The following RBMS1 variants were observed in gnomAD, a reference collection of about 807,000 sequenced individuals.
RBMS1 encodes the protein RNA-binding motif, single-stranded-interacting protein 1.
In RBMS1, 17 loss-of-function variants were observed where a neutral mutation model predicts 62.3. That is an observed-to-expected ratio of 0.27 (90% confidence interval 0.19 to 0.41). RBMS1 has a LOEUF of 0.41. Ranked by LOEUF, RBMS1 falls within the 10% of genes least tolerant of loss-of-function variation. The probability of loss-of-function intolerance (pLI) is 1.00; values close to 1 mark genes in which losing one functional copy is unlikely to be tolerated. For missense variants in RBMS1, 334 were observed against 504.5 expected (o/e 0.66, Z 3.24); for synonymous variants, 172 against 170.0 (o/e 1.01, Z -0.09).
intron 9 of RBMS1, 40 bp from the exon 10 acceptor site, chr2:160,281,404 T>C (rs575560647): frequency 6.7e-7 from 1 of 1,491,536 alleles, no homozygotes; most frequent in Non-Finnish European, 9.3e-7. Flanking sequence ...TTGATTTTCA[T>C]TGTAAAGCTT....
At chr2:160,305,147 C>T (rs1689432698) in intron 4 of RBMS1, among the ~76,000 whole-genome samples, 1 of 152,188 alleles carries the variant, frequency 6.6e-6, no homozygotes, top group African/African-American at 2.4e-5. Flanking sequence ...GCCACTGTGC[C>T]TGGCCAGAAA....
intron 2 of RBMS1, 123 bp from the exon 3 acceptor site, chr2:160,318,350 G>C: frequency 1.5e-6 from 2 of 1,347,298 alleles, no homozygotes; most frequent in Non-Finnish European, 1.9e-6. Flanking sequence ...GCAAACTTTA[G>C]AGTACAAAAT....
intron 1 of RBMS1, among the ~76,000 whole-genome samples, chr2:160,447,104 A>C (rs1303904865): frequency 6.6e-6 from 1 of 152,204 alleles, no homozygotes; most frequent in Non-Finnish European, 1.5e-5. Flanking sequence ...GTGAAAGTTT[A>C]CTTCTCATTT....
chr2:160,449,635 C>G (rs983372464), intron 1 of RBMS1, among the ~76,000 whole-genome samples: 1 of 152,084 alleles, frequency 6.6e-6, no homozygotes, highest in African/African-American at 2.4e-5. Flanking sequence ...CAGCATGCTC[C>G]TTAAGAGTCA....
intron 1 of RBMS1, among the ~76,000 whole-genome samples, chr2:160,383,650 T>C (rs1200423631): frequency 1.6e-4 from 25 of 152,202 alleles, no homozygotes; most frequent in Admixed American, 1.6e-3. Context: ...GTTATGAATA[T>C]TCAATATCCT....
At chr2:160,407,767 C>A in intron 1 of RBMS1, 1 of 981,336 alleles carries the variant, frequency 1.0e-6, no homozygotes, top group Non-Finnish European at 1.2e-6. Flanking sequence ...GAGACTCGAG[C>A]AGCTCGGGCA....
chr2:160,304,819 TAA>T, intron 4 of RBMS1, among the ~76,000 whole-genome samples: 1 of 152,166 alleles, frequency 6.6e-6, no homozygotes, highest in East Asian at 1.9e-4. Context: ...GTTTATAAAG[TAA>T]AAAAGTTACA....
chr2:160,426,010 A>G (rs777412841), intron 1 of RBMS1, among the ~76,000 whole-genome samples: 28 of 152,122 alleles, frequency 1.8e-4, no homozygotes, highest in Non-Finnish European at 3.4e-4. Context: ...AGTCCACTTA[A>G]GAAGGAAATA....
At chr2:160,322,416 G>A (rs2105973887) in intron 2 of RBMS1, among the ~76,000 whole-genome samples, 1 of 152,330 alleles carries the variant, frequency 6.6e-6, no homozygotes, top group East Asian at 1.9e-4. Context: ...AAATAAACAC[G>A]TGGCTTATGG....
intron 4 of RBMS1, among the ~76,000 whole-genome samples, chr2:160,310,558 A>G (rs1194267453): frequency 1.3e-5 from 2 of 152,192 alleles, no homozygotes; most frequent in Non-Finnish European, 2.9e-5. Context: ...ACCTGAAACG[A>G]AAGAAGCTTG....
chr2:160,311,232 C>CTCTA (rs1553505424), intron 4 of RBMS1, among the ~76,000 whole-genome samples: 1 of 79,252 alleles, frequency 1.3e-5, no homozygotes, highest in Non-Finnish European at 2.5e-5. Flanking sequence ...ATCTATCTAT[C>CTCTA]TATATATATA....
rs1258018101 is a variant in RBMS1, at chr2:160,367,380, G to A, written c.87C>T (p.Val29=). 8.1e-6 allele frequency: 13 copies of A among 1,613,854 alleles called. No homozygotes were observed. Among genetic ancestry groups the A allele is most frequent in the Non-Finnish European group, 1.1e-5 (13 of 1,179,960 alleles). The change falls in exon 2 of 14, where the codon GTC becomes GTT. Residue 29 remains valine (V), a synonymous_variant. Coordinates refer to ENST00000348849, the MANE Select transcript of RBMS1 (RefSeq NM_016836.4). The part of the protein sequence containing the change: ...PQYLQAKQSL[V]PAHPMAPPSP... ...TGGGAGGGGCCATGGGGTGGGCTGG[G>A]ACCAGAGACTGCTGGAAAACAAAGA...
intron 2 of RBMS1, among the ~76,000 whole-genome samples, chr2:160,354,428 C>G (rs1453498795): frequency 6.6e-6 from 1 of 152,048 alleles, no homozygotes; most frequent in East Asian, 1.9e-4. Context: ...GGAGCAAAAG[C>G]TATGCCTCAT....
intron 1 of RBMS1, among the ~76,000 whole-genome samples, chr2:160,412,039 G>A (rs1344050869): frequency 1.3e-5 from 2 of 152,200 alleles, no homozygotes; most frequent in Non-Finnish European, 2.9e-5. Flanking sequence ...TTCCTTTAAA[G>A]AAGTTAGGTG....
intron 1 of RBMS1, among the ~76,000 whole-genome samples, chr2:160,436,717 T>C (rs757780089): frequency 1.8e-4 from 27 of 152,220 alleles, no homozygotes; most frequent in Non-Finnish European, 3.8e-4. Context: ...CAAGTTTAAA[T>C]ATGGCTGAAC....
At chr2:160,444,620 T>C (rs1304869198) in intron 1 of RBMS1, among the ~76,000 whole-genome samples, 1 of 152,240 alleles carries the variant, frequency 6.6e-6, no homozygotes, top group African/African-American at 2.4e-5. Flanking sequence ...GCCTTTGTGC[T>C]GTGCACTGAA....
At chr2:160,362,593 C>G (rs1348931705) in intron 2 of RBMS1, among the ~76,000 whole-genome samples, 7 of 151,884 alleles carry the variant, frequency 4.6e-5, no homozygotes, top group Admixed American at 2.0e-4. Context: ...TGTGGTGCCC[C>G]AAAACAATGA....
chr2:160,398,950 CTG>C, intron 1 of RBMS1, among the ~76,000 whole-genome samples: 1 of 152,172 alleles, frequency 6.6e-6, no homozygotes, highest in East Asian at 1.9e-4. Flanking sequence ...TTTATTTCAA[CTG>C]AGACAATACC....
At chr2:160,480,972 T>G (rs1358686984) in intron 1 of RBMS1, among the ~76,000 whole-genome samples, 1 of 150,480 alleles carries the variant, frequency 6.6e-6, no homozygotes, top group East Asian at 2.0e-4. Context: ...TCTCAGCTAC[T>G]CAAGAGGCTG....
Sources: allele counts gnomAD v4.1 joint callset (sites outside exome capture counted in the v4.1 genomes callset), GRCh38; gene constraint gnomAD v4.1.1; transcripts MANE v1.5; gene names NCBI Gene and HGNC (gene_info 2026-07-23, HGNC 2026-07-21).